Variants in RDH13 observed in about 807,000 individuals in gnomAD.
RDH13 encodes the protein retinol dehydrogenase 13 (all-trans and 9-cis).
RDH13 carries 35 observed loss-of-function variants against 28.3 expected under a neutral mutation model. That is an observed-to-expected ratio of 1.24 (90% confidence interval 0.95 to 1.64). The LOEUF (loss-of-function observed/expected upper bound fraction) is 1.64, where lower values mean the gene tolerates loss of function less well. Ranked by LOEUF, RDH13 falls within the 40% of genes most tolerant of loss-of-function variation. The pLI is 0.00. For missense variants in RDH13, 514 were observed against 446.3 expected, an observed-to-expected ratio of 1.15 and a Z score of -1.37; for synonymous variants, 229 against 198.5, an observed-to-expected ratio of 1.15 and a Z score of -1.29.
At chr19:55,067,241 G>T (rs947505326), upstream of RDH13, 4 of 152,224 alleles carry the variant, frequency 2.6e-5, no homozygotes, top group African/African-American at 7.2e-5. Context: ...GGCCTTGCCT[G>T]CAAGCTGAGC....
intron 3 of RDH13, among the ~76,000 whole-genome samples, chr19:55,056,151 C>G (rs1439899917): frequency 6.6e-6 from 1 of 151,880 alleles, no homozygotes; most frequent in African/African-American, 2.4e-5. Flanking sequence ...GAGACCCCAT[C>G]TGTCTCAAAA....
At chr19:55,056,440 G>A (rs2075635719) in intron 3 of RDH13, among the ~76,000 whole-genome samples, 1 of 150,972 alleles carries the variant, frequency 6.6e-6, no homozygotes, top group Non-Finnish European at 1.5e-5. Flanking sequence ...CTGGCCGACA[G>A]AGTGAGACTC....
At position 55,063,045 on chromosome 19, in the gene RDH13, A is replaced by ACAGGCGT. The variant is rs767186271; in HGVS notation, c.-20_-14dup. On this transcript the variant is annotated 5_prime_UTR_variant, in exon 1 of 7. Coordinates refer to ENST00000415061, the MANE Select transcript of RDH13 (RefSeq NM_001145971.2). ...GGTAGCGGCTCATGCCGGGCCGGGG[A>ACAGGCGT]CAGGCGTCAGGCGTCAGGGGTCGGC... 1.2e-4 allele frequency: 148 copies of ACAGGCGT among 1,241,894 alleles called. 1 individual carries two copies. Among genetic ancestry groups the ACAGGCGT allele is most frequent in the Middle Eastern group, 6.6e-4 (3 of 4,528 alleles). The allele number at this position is 1,241,894 out of a possible 1,614,324, so 76.9% of individuals were successfully genotyped here. A position where few individuals can be genotyped will look rare whatever the true frequency, so the allele number is the denominator to read the frequency against.
intron 1 of RDH13, among the ~76,000 whole-genome samples, chr19:55,060,379 C>A (rs1164880794): frequency 6.6e-6 from 1 of 152,164 alleles, no homozygotes; most frequent in African/African-American, 2.4e-5. Flanking sequence ...GGCCTACGTG[C>A]ACGTCCAGGC....
downstream of RDH13, chr19:55,041,697 G>A (rs991802139): frequency 4.6e-5 from 7 of 152,260 alleles, no homozygotes; most frequent in African/African-American, 1.4e-4. Flanking sequence ...GCGCTCAGAC[G>A]CGACACGCCG....
chr19:55,050,485 G>A (rs574873290), intron 3 of RDH13, among the ~76,000 whole-genome samples: 5 of 152,062 alleles, frequency 3.3e-5, no homozygotes, highest in South Asian at 4.2e-4. Flanking sequence ...GTACAGTGGC[G>A]CAATCACTGC....
At chr19:55,066,531 CCTTT>C (rs549475817), upstream of RDH13, among the ~76,000 whole-genome samples, 242 of 110,634 alleles carry the variant, frequency 2.2e-3, 1 homozygote, top group East Asian at 6.4e-3. Context: ...TCTTTCCCTT[CCTTT>C]CTCTTTCCTC....
intron 2 of RDH13, among the ~76,000 whole-genome samples, chr19:55,057,175 G>A (rs1602777175): frequency 6.6e-6 from 1 of 152,062 alleles, no homozygotes; most frequent in Admixed American, 6.6e-5. Context: ...CCTATGAAAC[G>A]CCCAGAATAG....
chr19:55,043,746 C>T (rs1313909957), downstream of RDH13, among the ~76,000 whole-genome samples: 15 of 152,082 alleles, frequency 9.9e-5, no homozygotes, highest in Admixed American at 9.8e-4. Context: ...TTTTCTATCT[C>T]GATTACTGAG....
At chr19:55,067,053 A>G (rs1269507791), upstream of RDH13, 2 of 152,216 alleles carry the variant, frequency 1.3e-5, no homozygotes, top group African/African-American at 4.8e-5. Flanking sequence ...ATAATTTGTT[A>G]TATGGCCATA....
chr19:55,042,465 T>C (rs1489671511), downstream of RDH13: 1 of 152,192 alleles, frequency 6.6e-6, no homozygotes, highest in Non-Finnish European at 1.5e-5. Context: ...TGGCCACTGT[T>C]ATGTAGTTTT....
intron 3 of RDH13, 148 bp from the exon 4 acceptor site, chr19:55,048,911 C>A: frequency 1.4e-6 from 1 of 700,538 alleles, no homozygotes; most frequent in Non-Finnish European, 2.5e-6. Flanking sequence ...TGTCAGGATG[C>A]GGTCATTAGG....
At position 55,045,156 on chromosome 19, in the gene RDH13, ACCT is replaced by A. The variant is rs752733348; in HGVS notation, c.911_913del (p.Glu304del). ...ACTTTCAGCCCAAAGCCTCCGGGCC[ACCT>A]CCTCATCCTCAGCCTCGGGGGCCGG... On this transcript the variant is annotated inframe_deletion, in exon 7 of 7. Transcript: ENST00000415061. 1.9e-6 allele frequency: 3 copies of A among 1,613,466 alleles called. No individual in the cohort carries two copies. The highest frequency in any genetic ancestry group is 2.7e-5 in the African/African-American group (2 of 74,904).
chr19:55,040,105 GT>G (rs1205433652), downstream of RDH13, among the ~76,000 whole-genome samples: 1 of 152,166 alleles, frequency 6.6e-6, no homozygotes, highest in Non-Finnish European at 1.5e-5. Flanking sequence ...ATCCATAGTG[GT>G]GATGGTTACA....
rs747708880 is a variant in RDH13 at position 55,048,773 on chromosome 19, A to G, written c.341-10T>C. On this transcript the variant is annotated splice_polypyrimidine_tract_variant and intron_variant, in intron 3 of 6. Transcript: ENST00000415061. Reference sequence around the variant, plus strand: ...TCCACTCGCTCCTCCTCTGGAAGAGAGGGGTGGAGGAGGAGACATCCCGGT... The same window carrying G: ...TCCACTCGCTCCTCCTCTGGAAGAGGGGGGTGGAGGAGGAGACATCCCGGT... 22 of 1,610,556 alleles carry G rather than the reference A, an allele frequency of 1.4e-5. No homozygotes were observed. Among genetic ancestry groups the G allele is most frequent in the Non-Finnish European group, 1.9e-5 (22 of 1,177,196 alleles).
At chr19:55,060,142 G>A (rs1040474934) in intron 1 of RDH13, among the ~76,000 whole-genome samples, 1 of 144,370 alleles carries the variant, frequency 6.9e-6, no homozygotes, top group Non-Finnish European at 1.5e-5. Flanking sequence ...TGCTGAGGTG[G>A]ATTGGTAAAA....
At position 55,048,438 on chromosome 19, in the gene RDH13, G is replaced by GTC; in HGVS notation, c.547_548dup (p.Asp183GlufsTer6). On this transcript the variant is annotated frameshift_variant, in exon 5 of 7. Coordinates refer to ENST00000415061, the MANE Select transcript of RDH13 (RefSeq NM_001145971.2). LOFTEE classifies it high-confidence loss of function. ...TCGTCTGCCAGTTCAAGTCGTCAAA[G>GTC]TCTATGTGCCCAGCAACATGGGCCA... 6.2e-7 allele frequency: 1 copy of GTC among 1,614,224 alleles called. No individual in the cohort carries two copies. Among genetic ancestry groups the GTC allele is most frequent in the Non-Finnish European group, 8.5e-7 (1 of 1,180,050 alleles).
At chr19:55,064,743 G>A (rs2075919282), upstream of RDH13, among the ~76,000 whole-genome samples, 1 of 149,846 alleles carries the variant, frequency 6.7e-6, no homozygotes, top group Non-Finnish European at 1.5e-5. Context: ...CTCCCGAGTA[G>A]CTGGGGCTAC....
chr19:55,057,502 G>A (rs895196542), intron 2 of RDH13, among the ~76,000 whole-genome samples: 10 of 149,850 alleles, frequency 6.7e-5, no homozygotes, highest in Admixed American at 2.7e-4. Context: ...GCGCAATCTC[G>A]GCTCACTGCA....
Sources: allele counts gnomAD v4.1 joint callset (sites outside exome capture counted in the v4.1 genomes callset), GRCh38; gene constraint gnomAD v4.1.1; transcripts MANE v1.5; gene names NCBI Gene and HGNC (gene_info 2026-07-23, HGNC 2026-07-21).